The following LRRC4C variants were observed in gnomAD, a reference collection of about 807,000 sequenced individuals.
LRRC4C encodes the protein leucine rich repeat containing 4C.
A neutral mutation model predicts 33.6 loss-of-function variants in LRRC4C; 5 were observed. The observed-to-expected ratio is 0.15, with a 90% CI of 0.08 to 0.31. The LOEUF (loss-of-function observed/expected upper bound fraction) is 0.31. Ranked by LOEUF, LRRC4C falls within the 10% of genes least tolerant of loss-of-function variation. The pLI, the probability that LRRC4C is intolerant of heterozygous loss-of-function variation, is 1.00. For missense variants in LRRC4C, 560 were observed against 796.7 expected (o/e 0.70, Z 3.58); for synonymous variants, 329 against 302.0 (o/e 1.09, Z -0.93).
At position 40,788,819 on chromosome 11, in the gene LRRC4C, C is replaced by T. The variant is rs528470971; in HGVS notation, c.-406-140541G>A. The stretch of plus-strand genomic sequence containing the variant: ...TGTAAAAAATGCATATTAGGCCGGG[C>T]ACGGTGGCTCACGCCTTAATCCCAG... On this transcript the variant is annotated intron_variant, in intron 2 of 6. Coordinates refer to ENST00000528697, the MANE Select transcript of LRRC4C (RefSeq NM_001258419.2). Among the ~76,000 whole-genome samples, 6 of 152,236 alleles carry T rather than the reference C, an allele frequency of 3.9e-5. No individual in the cohort carries two copies. The East Asian group carries it at 1.2e-3, about 30-fold the overall frequency.
intron 2 of LRRC4C, among the ~76,000 whole-genome samples, chr11:40,883,890 C>T (rs1955304213): frequency 1.3e-5 from 1 of 75,352 alleles, no homozygotes. Flanking sequence ...GAACCATAAG[C>T]TAGTTTTTTT....
intron 2 of LRRC4C, among the ~76,000 whole-genome samples, chr11:40,819,786 T>C (rs535689824): frequency 6.6e-6 from 1 of 152,160 alleles, no homozygotes; most frequent in East Asian, 1.9e-4. Flanking sequence ...GAAGGGTTAC[T>C]GTTCTGAGAT....
rs566201582 is a variant in LRRC4C at position 40,598,048 on chromosome 11, T to A, written c.-270+50094A>T. On this transcript the variant is annotated intron_variant, in intron 3 of 6. Coordinates refer to ENST00000528697, the MANE Select transcript of LRRC4C (RefSeq NM_001258419.2). ...TCTATTATTGTTTGTCACTCATAGG[T>A]GCTTTTTCAAAAGTTTCCTCTGAAG... Among the ~76,000 whole-genome samples, 5 of 152,318 alleles carry A rather than the reference T, an allele frequency of 3.3e-5. No homozygotes were observed. The South Asian group carries it at 1.0e-3, about 32-fold the overall frequency.
In LRRC4C at chr11:40,250,861, C is replaced by G. The variant is rs1230197567; in HGVS notation, c.-175-9263G>C. ...ACATATTTGGACTGAAGACCAGAAC[C>G]ACTGTGATCTTCATATGAACTTGTG... On this transcript the variant is annotated intron_variant, in intron 4 of 6. Coordinates refer to ENST00000528697, the MANE Select transcript of LRRC4C (RefSeq NM_001258419.2). Among the ~76,000 whole-genome samples the G allele has an allele frequency of 2.6e-5, 4 of 152,114 alleles. No individual in the cohort carries two copies. In the South Asian group the frequency reaches 8.3e-4, roughly 32 times the overall value.
At chr11:41,329,742 G>A (rs781267177) in intron 1 of LRRC4C, among the ~76,000 whole-genome samples, 2 of 152,178 alleles carry the variant, frequency 1.3e-5, no homozygotes, top group South Asian at 4.1e-4. Context: ...ATTAATGTGA[G>A]TTTTGGAAAT....
At chr11:40,458,807 C>T (rs1045816180) in intron 3 of LRRC4C, among the ~76,000 whole-genome samples, 1 of 152,134 alleles carries the variant, frequency 6.6e-6, no homozygotes, top group Admixed American at 6.6e-5. Context: ...TTAATATATT[C>T]ACCTTCACTT....
At chr11:40,358,767 C>T (rs1217532588) in intron 3 of LRRC4C, among the ~76,000 whole-genome samples, 1 of 152,128 alleles carries the variant, frequency 6.6e-6, no homozygotes, top group Non-Finnish European at 1.5e-5. Context: ...TTCTCCTTCC[C>T]TTTCTGAAAA....
chr11:40,506,436 A>T (rs2138674300), intron 3 of LRRC4C, among the ~76,000 whole-genome samples: 1 of 152,338 alleles, frequency 6.6e-6, no homozygotes, highest in South Asian at 2.1e-4. Context: ...GTATTTCATT[A>T]CAAGAAAACT....
intron 1 of LRRC4C, among the ~76,000 whole-genome samples, chr11:40,972,397 A>T (rs575828590): frequency 1.2e-4 from 18 of 152,240 alleles, no homozygotes; most frequent in Non-Finnish European, 2.1e-4. Context: ...TCGGCTTCCC[A>T]AAGTGCTGGG....
intron 3 of LRRC4C, among the ~76,000 whole-genome samples, chr11:40,612,980 G>A (rs1961386946): frequency 6.6e-6 from 1 of 151,834 alleles, no homozygotes; most frequent in South Asian, 2.1e-4. Context: ...ATACCTTGGT[G>A]AAAAAAATAC....
intron 1 of LRRC4C, among the ~76,000 whole-genome samples, chr11:41,333,759 C>T (rs1463645896): frequency 6.6e-6 from 1 of 152,096 alleles, no homozygotes; most frequent in African/African-American, 2.4e-5. Context: ...ATTTTGCAGC[C>T]TGAAAATTTA....
At chr11:40,632,983 G>A (rs1029315929) in intron 3 of LRRC4C, among the ~76,000 whole-genome samples, 2 of 152,212 alleles carry the variant, frequency 1.3e-5, no homozygotes, top group African/African-American at 4.8e-5. Context: ...TAATTAAAAT[G>A]TAATCCCTTT....
chr11:40,621,045 G>A (rs917580163), intron 3 of LRRC4C, among the ~76,000 whole-genome samples: 1 of 151,496 alleles, frequency 6.6e-6, no homozygotes, highest in Non-Finnish European at 1.5e-5. Context: ...GTAAACTGAG[G>A]TTATAATTCT....
chr11:40,539,041 C>T (rs1045862535), intron 3 of LRRC4C, among the ~76,000 whole-genome samples: 2 of 151,984 alleles, frequency 1.3e-5, no homozygotes, highest in African/African-American at 2.4e-5. Flanking sequence ...GATATTAGCC[C>T]ACTCTTTAGT....
chr11:40,476,628 G>T (rs987620409), intron 3 of LRRC4C, among the ~76,000 whole-genome samples: 1 of 152,120 alleles, frequency 6.6e-6, no homozygotes, highest in African/African-American at 2.4e-5. Flanking sequence ...ACAGGCGTAA[G>T]CCACCACGCC....
Position 40,114,776 on chromosome 11 carries a change from G to A in LRRC4C, c.1517C>T (p.Thr506Ile), listed in dbSNP as rs376138045. ...ACTGTTTATATCAGTCACTGGGATG[G>A]TGAAGGTTTTCTCTGTCGACCTTGT... is the stretch of plus-strand genomic sequence containing the variant. ...QSTRSTEKTFTIPVTDINSGI... is the reference protein window; with the variant it reads ...QSTRSTEKTFIIPVTDINSGI... The change falls in exon 7 of 7, where the codon ACC (threonine) becomes ATC (isoleucine). Residue 506 changes from threonine (T) to isoleucine (I), a missense_variant. Thr to Ile is a moderately conservative substitution (Grantham distance 89). Transcript: ENST00000528697. 1.2e-6 allele frequency: 2 copies of A among 1,614,146 alleles called. No homozygotes were observed. Among genetic ancestry groups the A allele is most frequent in the Non-Finnish European group, 1.7e-6 (2 of 1,180,010 alleles).
chr11:40,595,547 T>G (rs1476419073), intron 3 of LRRC4C, among the ~76,000 whole-genome samples: 2 of 152,124 alleles, frequency 1.3e-5, no homozygotes, highest in African/African-American at 4.8e-5. Flanking sequence ...TCTCTTTCCC[T>G]TCTTTCTCCA....
chr11:40,691,900 A>T (rs1036909440), intron 2 of LRRC4C, among the ~76,000 whole-genome samples: 2 of 152,080 alleles, frequency 1.3e-5, no homozygotes, highest in African/African-American at 4.8e-5. Flanking sequence ...TTTGGATGTG[A>T]GGTGCATTGG....
chr11:41,325,577 T>TTTG (rs202169756), intron 1 of LRRC4C, among the ~76,000 whole-genome samples: 327 of 104,130 alleles, frequency 3.1e-3, no homozygotes, highest in South Asian at 0.012. Flanking sequence ...TTTTTTTTTT[T>TTTG]TGTGTGTGTG....
Sources: gnomAD v4.1 joint callset for allele counts (sites outside exome capture counted in the v4.1 genomes callset) on GRCh38, gnomAD v4.1.1 for gene constraint, MANE v1.5 for transcripts, NCBI Gene and HGNC (gene_info 2026-07-23, HGNC 2026-07-21) for gene names.